Variants in KAZN observed in about 807,000 individuals in gnomAD.
KAZN encodes the protein kazrin, periplakin interacting protein.
In KAZN, 40 loss-of-function variants were observed where a neutral mutation model predicts 87.4. The ratio of observed to expected loss-of-function variants is 0.46; its 90% CI spans 0.36 to 0.60. KAZN has a LOEUF of 0.60. Ranked by LOEUF, KAZN falls within the 20% of genes least tolerant of loss-of-function variation. The pLI is 0.00. For synonymous variants in KAZN, 466 were observed against 458.3 expected (o/e 1.02, Z -0.22); for missense variants, 898 against 1,073.9 (o/e 0.84, Z 2.29).
intron 2 of KAZN, among the ~76,000 whole-genome samples, chr1:14,188,043 T>C (rs894531369): frequency 6.6e-6 from 1 of 152,110 alleles, no homozygotes; most frequent in Admixed American, 6.5e-5. Flanking sequence ...CAACTGACTA[T>C]AAATATGGGA....
intron 1 of KAZN, among the ~76,000 whole-genome samples, chr1:13,953,321 C>T (rs1462606959): frequency 1.3e-5 from 2 of 152,186 alleles, no homozygotes; most frequent in African/African-American, 4.8e-5. Flanking sequence ...GTACTTCATG[C>T]TGTAGAAGTC....
intron 2 of KAZN, among the ~76,000 whole-genome samples, chr1:14,329,106 T>G (rs147174230): frequency 6.6e-6 from 1 of 152,162 alleles, no homozygotes; most frequent in Non-Finnish European, 1.5e-5. Context: ...GCTGGAACAA[T>G]GTTGTCAGAA....
chr1:15,014,325 G>C (rs1669868738), intron 2 of KAZN, among the ~76,000 whole-genome samples: 1 of 152,110 alleles, frequency 6.6e-6, no homozygotes, highest in African/African-American at 2.4e-5. Flanking sequence ...TATGAAGGGA[G>C]CCCATAGGTT....
At chr1:14,570,388 C>T (rs1674791284) in intron 2 of KAZN, among the ~76,000 whole-genome samples, 1 of 152,194 alleles carries the variant, frequency 6.6e-6, no homozygotes, top group South Asian at 2.1e-4. Flanking sequence ...TTTTTACCCT[C>T]CTCCTCCTCC....
At chr1:14,902,944 T>C (rs1332751037) in intron 1 of KAZN, among the ~76,000 whole-genome samples, 1 of 150,088 alleles carries the variant, frequency 6.7e-6, no homozygotes, top group South Asian at 2.1e-4. Context: ...CTTGGGTCAC[T>C]GCAACCTCCA....
In KAZN at chr1:14,389,263, C is replaced by T. The variant is rs143723064; in HGVS notation, c.249+208671C>T. On this transcript the variant is annotated intron_variant, in intron 2 of 16. Transcript: ENST00000636203. ...CGTACATTGTAGATGGGAATATAAA[C>T]TAGTACAATCACAAAGGAAAAGAGT... 2.9e-3 allele frequency among the ~76,000 whole-genome samples: 443 copies of T among 152,150 alleles called. 1 individual carries two copies. The highest frequency in any genetic ancestry group is 9.7e-3 in the African/African-American group (401 of 41,514).
At chr1:14,837,875 TA>T (rs1647459443) in intron 1 of KAZN, among the ~76,000 whole-genome samples, 1 of 152,194 alleles carries the variant, frequency 6.6e-6, no homozygotes, top group South Asian at 2.1e-4. Context: ...TGTGTGAATA[TA>T]AAACGGTTTA....
At chr1:14,747,733 A>G (rs1196378889) in intron 1 of KAZN, among the ~76,000 whole-genome samples, 1 of 152,208 alleles carries the variant, frequency 6.6e-6, no homozygotes, top group Non-Finnish European at 1.5e-5. Flanking sequence ...CAGGAGTGGA[A>G]CTGCTGGGTC....
At chr1:15,067,126 G>A (rs1639277569) in intron 8 of KAZN, 1 of 985,794 alleles carries the variant, frequency 1.0e-6, no homozygotes, top group Non-Finnish European at 1.2e-6. Context: ...TCTTGTCCTG[G>A]GTTTAGGATG....
intron 1 of KAZN, among the ~76,000 whole-genome samples, chr1:14,865,439 G>A (rs557318697): frequency 5.3e-5 from 8 of 152,110 alleles, no homozygotes; most frequent in Non-Finnish European, 1.0e-4. Flanking sequence ...AGATCTTTGC[G>A]CCCTGGCTTC....
chr1:13,911,133 C>T (rs2100868439), intron 1 of KAZN, among the ~76,000 whole-genome samples: 1 of 152,284 alleles, frequency 6.6e-6, no homozygotes, highest in South Asian at 2.1e-4. Context: ...ACTGCAACCT[C>T]CACCTCCCGG....
At chr1:14,362,250 G>A (rs1210233646) in intron 2 of KAZN, among the ~76,000 whole-genome samples, 2 of 152,188 alleles carry the variant, frequency 1.3e-5, no homozygotes, top group African/African-American at 2.4e-5. Context: ...ATAGTTGTTA[G>A]CAGCATTCAG....
At chr1:14,340,887 C>CTTTTT (rs1557650364) in intron 2 of KAZN, among the ~76,000 whole-genome samples, 5 of 45,116 alleles carry the variant, frequency 1.1e-4, no homozygotes, top group African/African-American at 3.6e-4. Context: ...CATGATTTTC[C>CTTTTT]CTTTTTTTTT....
At position 15,112,469 on chromosome 1, in the gene KAZN, T is replaced by G; in HGVS notation, c.2091T>G (p.Pro697=). Residue 697 remains proline, a synonymous_variant, in exon 14 of 15, where the codon CCT becomes CCG. Coordinates refer to ENST00000376030, the MANE Select transcript of KAZN (RefSeq NM_201628.3). ...AGGCTGAGCGTTTTGGAACGCCCCC[T>G]GGCAGGGCCTCCAGCGTCACGCGGG... ...IREAERFGTP[P]GRASSVTRAG... is the part of the protein sequence containing the mutation. 1 of 1,606,962 alleles carries G rather than the reference T, an allele frequency of 6.2e-7. No individual in the cohort carries two copies. Among genetic ancestry groups the G allele is most frequent in the Admixed American group, 1.7e-5 (1 of 59,034 alleles).
At chr1:13,976,065 C>T (rs974154248) in intron 1 of KAZN, among the ~76,000 whole-genome samples, 3 of 152,196 alleles carry the variant, frequency 2.0e-5, no homozygotes, top group Admixed American at 6.5e-5. Flanking sequence ...TCTTGTGAGG[C>T]TGGTTCTTCC....
chr1:14,101,675 A>T (rs969441558), intron 1 of KAZN, among the ~76,000 whole-genome samples: 1 of 152,210 alleles, frequency 6.6e-6, no homozygotes, highest in African/African-American at 2.4e-5. Flanking sequence ...AATTACTTTA[A>T]GTAGAATTTT....
chr1:15,028,591 T>A (rs914281468), intron 2 of KAZN, among the ~76,000 whole-genome samples: 2 of 152,238 alleles, frequency 1.3e-5, no homozygotes, highest in Admixed American at 6.5e-5. Flanking sequence ...CGCACCAGCC[T>A]CCTTGTTTGT....
chr1:14,637,926 T>A (rs1469483768), intron 1 of KAZN, among the ~76,000 whole-genome samples: 2 of 152,060 alleles, frequency 1.3e-5, no homozygotes, highest in Non-Finnish European at 2.9e-5. Context: ...CAGGGTTGGC[T>A]CATTCTGGGA....
chr1:15,073,475 C>G, intron 8 of KAZN, among the ~76,000 whole-genome samples: 1 of 150,344 alleles, frequency 6.7e-6, no homozygotes, highest in South Asian at 2.1e-4. Context: ...CTGGGGCAAC[C>G]CCAGGGTCCC....
Sources: allele counts gnomAD v4.1 joint callset (sites outside exome capture counted in the v4.1 genomes callset), GRCh38; gene constraint gnomAD v4.1.1; transcripts MANE v1.5; gene names NCBI Gene and HGNC (gene_info 2026-07-23, HGNC 2026-07-21).